ZNF608: variants seen among roughly 807,000 people sequenced by gnomAD.
ZNF608 encodes the protein renal carcinoma antigen NY-REN-36.
ZNF608 carries 12 observed loss-of-function variants against 109.0 expected under a neutral mutation model. That is an observed-to-expected ratio of 0.11 (90% CI 0.07 to 0.18). The LOEUF (loss-of-function observed/expected upper bound fraction) is 0.18, where lower values mean the gene tolerates loss of function less well. Among genes scored for constraint, ZNF608 ranks in the 10% least tolerant of loss-of-function variants. The pLI is 1.00. For missense variants in ZNF608, 1,707 were observed against 1,879.3 expected (o/e 0.91, Z 1.70); for synonymous variants, 732 against 717.4 (o/e 1.02, Z -0.33).
intron 9 of ZNF608, 136 bp from the exon 10 acceptor site, chr5:124,638,042 C>G (rs12655148): frequency 0.3 from 245,693 of 805,996 alleles, 41,287 homozygotes; most frequent in East Asian, 0.37. Flanking sequence ...CCTCTGCCTC[C>G]TGGGTTCAAG....
intron 2 of ZNF608, among the ~76,000 whole-genome samples, chr5:124,723,585 G>A (rs573223179): frequency 2.8e-4 from 43 of 152,310 alleles, no homozygotes; most frequent in Non-Finnish European, 5.6e-4. Flanking sequence ...CCACTCGAGA[G>A]GCTGAGGCAG....
At chr5:124,680,502 A>G (rs914584928) in intron 3 of ZNF608, among the ~76,000 whole-genome samples, 3 of 152,196 alleles carry the variant, frequency 2.0e-5, no homozygotes, top group African/African-American at 7.2e-5. Flanking sequence ...TAAAAGCAAG[A>G]GAAAAGGAAT....
At position 124,701,134 on chromosome 5, in the gene ZNF608, G is replaced by A. The variant is rs1378869388; in HGVS notation, c.1042C>T (p.Arg348Cys). 4.3e-6 allele frequency: 7 copies of A among 1,614,076 alleles called. No individual in the cohort carries two copies. Among genetic ancestry groups the A allele is most frequent in the East Asian group, 2.2e-5 (1 of 44,872 alleles). The change falls in exon 3 of 10, where the codon CGT becomes TGT. Residue 348 changes from arginine to cysteine, a missense_variant. Arg to Cys is a radical substitution (Grantham distance 180, BLOSUM62 -3). Transcript: ENST00000513986. The part of the protein sequence containing the change: ...APVEQLLVRT[R>C]SVGVNTCEVG... ...TCACATGTATTGACACCCACAGAAC[G>A]AGTCCGAACCAAAAGCTGTTCAACC...
upstream of ZNF608, chr5:124,748,602 TTTTGGAAA>T: frequency 1.6e-5 from 16 of 984,260 alleles, no homozygotes; most frequent in Non-Finnish European, 1.9e-5. Flanking sequence ...AGCCGCTTTA[TTTTGGAAA>T]TTATAATCTC....
intron 3 of ZNF608, among the ~76,000 whole-genome samples, chr5:124,695,015 C>A (rs573422375): frequency 6.6e-6 from 1 of 152,254 alleles, no homozygotes; most frequent in South Asian, 2.1e-4. Context: ...CCACTTGACC[C>A]TTTTTCTCAT....
intron 3 of ZNF608, among the ~76,000 whole-genome samples, chr5:124,656,799 AACACACACACACACACACACAC>A (rs35634231): frequency 1.7e-4 from 21 of 123,980 alleles, no homozygotes; most frequent in East Asian, 1.4e-3. Context: ...ATAAGCCCTA[AACACACACACACACACACACAC>A]ACACACACAC....
chr5:124,724,496 CAAAAA>C (rs5871102), intron 2 of ZNF608, among the ~76,000 whole-genome samples: 1 of 100,086 alleles, frequency 1.0e-5, no homozygotes, highest in Non-Finnish European at 2.0e-5. Context: ...GCAAAGAGTG[CAAAAA>C]AAAAAAAAAA....
At chr5:124,655,937 C>G (rs1284292844) in intron 3 of ZNF608, among the ~76,000 whole-genome samples, 1 of 152,114 alleles carries the variant, frequency 6.6e-6, no homozygotes, top group Non-Finnish European at 1.5e-5. Flanking sequence ...TACCTGCCAG[C>G]CAAAAATCAG....
At chr5:124,641,748 T>C (rs929011962) in intron 7 of ZNF608, among the ~76,000 whole-genome samples, 1 of 152,268 alleles carries the variant, frequency 6.6e-6, no homozygotes, top group African/African-American at 2.4e-5. Context: ...ATAAGTAGTT[T>C]TGGAGATATC....
intron 9 of ZNF608, chr5:124,638,675 CA>C (rs1750094061): frequency 4.5e-6 from 1 of 220,810 alleles, no homozygotes; most frequent in East Asian, 1.6e-4. Context: ...TAATGATATA[CA>C]TTGTGAAAAA....
intron 3 of ZNF608, among the ~76,000 whole-genome samples, chr5:124,676,947 A>T (rs902237429): frequency 6.6e-6 from 1 of 152,218 alleles, no homozygotes; most frequent in Non-Finnish European, 1.5e-5. Context: ...CAACAACCAC[A>T]ATAGGGTTAA....
intron 2 of ZNF608, among the ~76,000 whole-genome samples, chr5:124,743,623 T>A (rs971420604): frequency 2.6e-5 from 4 of 152,194 alleles, no homozygotes; most frequent in Admixed American, 6.5e-5. Flanking sequence ...GGGAGGGAAC[T>A]TGAACCTTGC....
At chr5:124,690,182 A>G (rs1752556707) in intron 3 of ZNF608, among the ~76,000 whole-genome samples, 1 of 152,250 alleles carries the variant, frequency 6.6e-6, no homozygotes, top group Non-Finnish European at 1.5e-5. Context: ...AGAGCAAAAC[A>G]ATGGAGACAA....
chr5:124,649,447 G>T (rs930538143), intron 4 of ZNF608, among the ~76,000 whole-genome samples, 163 bp downstream of exon 4: 20 of 152,208 alleles, frequency 1.3e-4, no homozygotes, highest in Non-Finnish European at 1.0e-4. Flanking sequence ...TGATAGAAAA[G>T]AAATTTAGCA....
At chr5:124,742,619 A>AT (rs1178780918) in intron 2 of ZNF608, among the ~76,000 whole-genome samples, 1 of 152,252 alleles carries the variant, frequency 6.6e-6, no homozygotes, top group Non-Finnish European at 1.5e-5. Flanking sequence ...ATTCATTTAT[A>AT]TTCATTAATG....
Position 124,700,891 on chromosome 5 carries a change from G to A in ZNF608, c.1162+123C>T, listed in dbSNP as rs959691747. On this transcript the variant is annotated intron_variant, in intron 3 of 9. Transcript: ENST00000513986. ...TACTTCCAACACAAATCCAGAGAGC[G>A]GAAATAAAAAACACTTTCCATTCCT... 1.6e-5 allele frequency: 21 copies of A among 1,320,032 alleles called. No individual in the cohort carries two copies. In the Admixed American group the frequency reaches 2.8e-4, roughly 18 times the overall value. The allele number at this position is 1,320,032 out of a possible 1,614,324, so 81.8% of individuals were successfully genotyped here. A position where few individuals can be genotyped will look rare whatever the true frequency, so the allele number is the denominator to read the frequency against.
intron 3 of ZNF608, among the ~76,000 whole-genome samples, chr5:124,697,653 C>T (rs1752905243): frequency 6.6e-6 from 1 of 152,194 alleles, no homozygotes; most frequent in African/African-American, 2.4e-5. Context: ...CTGAGCACAA[C>T]TTGGTTCTTA....
intron 3 of ZNF608, among the ~76,000 whole-genome samples, chr5:124,655,097 T>C (rs1421458784): frequency 6.6e-6 from 1 of 151,894 alleles, no homozygotes; most frequent in Non-Finnish European, 1.5e-5. Context: ...AGAGAGAGAG[T>C]CTAGACTGAA....
Position 124,679,613 on chromosome 5 carries a change from A to T in ZNF608, c.1162+21401T>A, listed in dbSNP as rs143257222. Among the ~76,000 whole-genome samples, 302 of 152,354 alleles carry T rather than the reference A, an allele frequency of 2.0e-3. 4 individuals are homozygous for T. The highest frequency in any genetic ancestry group is 7.0e-3 in the African/African-American group (291 of 41,576). ...AATCACCTTTTACAGTCTCCACTCA[A>T]GGAAGGCAAGCAAGTACCTGTTATT... On this transcript the variant is annotated intron_variant, in intron 3 of 9. Transcript: ENST00000513986.
Sources: gnomAD v4.1 joint callset for allele counts (sites outside exome capture counted in the v4.1 genomes callset) on GRCh38, gnomAD v4.1.1 for gene constraint, MANE v1.5 for transcripts, NCBI Gene and HGNC (gene_info 2026-07-23, HGNC 2026-07-21) for gene names.